Variants in ZBTB7A observed in about 807,000 individuals in gnomAD.
The protein encoded by ZBTB7A is zinc finger and BTB domain-containing protein 7A.
ZBTB7A carries 7 observed loss-of-function variants against 26.7 expected under a neutral mutation model. The observed-to-expected ratio is 0.26, with a 90% CI of 0.15 to 0.49. The LOEUF (loss-of-function observed/expected upper bound fraction) is 0.49, where lower values mean the gene tolerates loss of function less well. Ranked by LOEUF, ZBTB7A falls within the 20% of genes least tolerant of loss-of-function variation. The probability of loss-of-function intolerance (pLI) is 0.98; values close to 1 mark genes in which losing one functional copy is unlikely to be tolerated. For synonymous variants in ZBTB7A, 452 were observed against 441.0 expected, an observed-to-expected ratio of 1.02 and a Z score of -0.31; for missense variants, 617 against 919.5, an observed-to-expected ratio of 0.67 and a Z score of 4.25.
chr19:4,056,752 A>G (rs1315350118), intron 1 of ZBTB7A, among the ~76,000 whole-genome samples: 2 of 152,096 alleles, frequency 1.3e-5, no homozygotes, highest in Non-Finnish European at 1.5e-5. Context: ...CTGTAATCCC[A>G]GCTACTCGGG....
In ZBTB7A at chr19:4,054,756, C is replaced by T. The variant is rs1344370213; in HGVS notation, c.477G>A (p.Glu159=). ...IDQRNLLRAK[E]YLEFFQSNPM... ...GGTTGCTCTGGAAGAACTCGAGGTA[C>T]TCCTTGGCGCGGAGGAGGTTGCGCT... Residue 159 remains glutamate, a synonymous_variant, in exon 2 of 3, where the codon GAG becomes GAA. Coordinates refer to ENST00000322357, the MANE Select transcript of ZBTB7A (RefSeq NM_015898.4). 6.4e-7 allele frequency: 1 copy of T among 1,571,072 alleles called. No homozygotes were observed. Among genetic ancestry groups the T allele is most frequent in the Non-Finnish European group, 8.6e-7 (1 of 1,157,642 alleles).
chr19:4,047,902 C>A lies in ZBTB7A; in HGVS notation c.1605G>T (p.Glu535Asp). The stretch of plus-strand genomic sequence containing the variant: ...CCTCGTCCTCGTCCTTAAAGTGCTT[C>A]TCCTGGCCGTTGCGCCGGGCGTCGG... ...SSPDARRNGQ[E>D]KHFKDEDEDE... The change falls in exon 3 of 3, where the codon GAG becomes GAT. Residue 535 changes from glutamate (E) to aspartate (D), a missense_variant. Around this residue, in one of 5 missense-constraint regions of ZBTB7A, gnomAD observed 136 missense variants for 126.6 expected, o/e 1.07. Coordinates refer to ENST00000322357, the MANE Select transcript of ZBTB7A (RefSeq NM_015898.4). 1 of 1,558,806 alleles carries A rather than the reference C, an allele frequency of 6.4e-7. No homozygotes were observed. Among genetic ancestry groups the A allele is most frequent in the Non-Finnish European group, 8.7e-7 (1 of 1,154,504 alleles).
At chr19:4,064,801 T>C (rs1326656303) in intron 1 of ZBTB7A, among the ~76,000 whole-genome samples, 1 of 152,052 alleles carries the variant, frequency 6.6e-6, no homozygotes, top group Non-Finnish European at 1.5e-5. Context: ...GCCGCCTGAC[T>C]GGGGGGAGAG....
rs200419671 is a variant in ZBTB7A at position 4,053,475 on chromosome 19, G to A, written c.1262+496C>T. Among the ~76,000 whole-genome samples, 11 of 150,698 alleles carry A rather than the reference G, an allele frequency of 7.3e-5. No homozygotes were observed. In the East Asian group the frequency reaches 9.8e-4, roughly 13 times the overall value. On this transcript the variant is annotated intron_variant, in intron 2 of 2. Coordinates refer to ENST00000322357, the MANE Select transcript of ZBTB7A (RefSeq NM_015898.4). ...CATGTGCCTGCATGCATGTCTGGGG[G>A]TGCGTGTGCATCTGTGTGCGTGCCT...
At chr19:4,049,631 C>T (rs1320772358) in intron 2 of ZBTB7A, among the ~76,000 whole-genome samples, 2 of 152,060 alleles carry the variant, frequency 1.3e-5, no homozygotes, top group East Asian at 3.9e-4. Flanking sequence ...CCTGGGAAAC[C>T]CCTCTGTCCG....
At chr19:4,065,324 C>T (rs1234724784) in intron 1 of ZBTB7A, 1 of 146,906 alleles carries the variant, frequency 6.8e-6, no homozygotes, top group Non-Finnish European at 1.5e-5. Flanking sequence ...CTGAGTCAGG[C>T]CCGGGCGGGG....
chr19:4,060,569 C>T (rs1459954215), intron 1 of ZBTB7A, among the ~76,000 whole-genome samples: 10 of 152,176 alleles, frequency 6.6e-5, no homozygotes, highest in Non-Finnish European at 2.9e-5. Context: ...GGGGATGTGT[C>T]GTGAGCTCGG....
rs947347966 is a variant in ZBTB7A, at chr19:4,066,750, GC to G, written c.-85del. 16 of 151,666 alleles carry G rather than the reference GC, an allele frequency of 1.1e-4. No individual in the cohort carries two copies. Among genetic ancestry groups the G allele is most frequent in the Non-Finnish European group, 1.9e-4 (13 of 67,714 alleles). The allele number at this position is 151,666 out of a possible 1,614,324, so 9.4% of individuals were successfully genotyped here. On this transcript the variant is annotated 5_prime_UTR_variant, in exon 1 of 3. Coordinates refer to ENST00000322357, the MANE Select transcript of ZBTB7A (RefSeq NM_015898.4). The stretch of plus-strand genomic sequence containing the variant: ...TGGGACTGGGCTCCCTCGGCCGCTC[GC>G]CTCCGGGGTCCGCGGCGCTCGCTCT...
intron 2 of ZBTB7A, among the ~76,000 whole-genome samples, chr19:4,051,920 AGCCCCG>A (rs2040508102): frequency 6.6e-6 from 1 of 152,110 alleles, no homozygotes; most frequent in African/African-American, 2.4e-5. Flanking sequence ...GGGTAATTAT[AGCCCCG>A]GCCACCACAG....
At chr19:4,062,965 A>G (rs1416697849) in intron 1 of ZBTB7A, among the ~76,000 whole-genome samples, 2 of 151,916 alleles carry the variant, frequency 1.3e-5, no homozygotes, top group African/African-American at 4.8e-5. Context: ...GCTGGGGTGG[A>G]CCCAAGGGCT....
intron 2 of ZBTB7A, among the ~76,000 whole-genome samples, chr19:4,049,166 GTGTATATATA>G (rs1227057495): frequency 3.0e-4 from 4 of 13,476 alleles, no homozygotes; most frequent in Non-Finnish European, 4.5e-4. Context: ...GTGTGTGTGT[GTGTATATATA>G]TATATATATA....
In ZBTB7A at chr19:4,047,730, TTC is replaced by T. The variant is rs1404400818; in HGVS notation, c.*20_*21del. 3 of 1,580,856 alleles carry T rather than the reference TTC, an allele frequency of 1.9e-6. No individual in the cohort carries two copies. On this transcript the variant is annotated 3_prime_UTR_variant, in exon 3 of 3. Transcript: ENST00000322357. ...CTCTCTGTCTCTCTCTTTCTCGGGT[TTC>T]TGTTTTCTCTTTTTGGTTTTTAGGC...
intron 1 of ZBTB7A, among the ~76,000 whole-genome samples, chr19:4,064,750 G>A (rs1347261004): frequency 1.3e-5 from 2 of 152,154 alleles, no homozygotes; most frequent in Non-Finnish European, 2.9e-5. Flanking sequence ...AGCCAGGTGG[G>A]TGCCGCGGGT....
intron 1 of ZBTB7A, among the ~76,000 whole-genome samples, chr19:4,063,503 G>T (rs2040660562): frequency 6.6e-6 from 1 of 152,220 alleles, no homozygotes; most frequent in South Asian, 2.1e-4. Flanking sequence ...GCCAGGGCCT[G>T]CCCGGTGAGG....
At chr19:4,058,644 G>C (rs528465913) in intron 1 of ZBTB7A, among the ~76,000 whole-genome samples, 62 of 71,572 alleles carry the variant, frequency 8.7e-4, no homozygotes, top group African/African-American at 3.3e-3. Context: ...GAGGGCCTGA[G>C]CTGGGCCTTT....
At chr19:4,051,377 C>T (rs2040502983) in intron 2 of ZBTB7A, among the ~76,000 whole-genome samples, 1 of 152,110 alleles carries the variant, frequency 6.6e-6, no homozygotes, top group Non-Finnish European at 1.5e-5. Context: ...AAAGCCCTAC[C>T]TTGAATGCCC....
intron 1 of ZBTB7A, among the ~76,000 whole-genome samples, chr19:4,060,218 C>A (rs2040625177): frequency 6.6e-6 from 1 of 152,154 alleles, no homozygotes; most frequent in African/African-American, 2.4e-5. Flanking sequence ...CTAAGCCCAA[C>A]CCTCCCAGGG....
At chr19:4,062,293 G>C (rs1291231831) in intron 1 of ZBTB7A, 1 of 152,248 alleles carries the variant, frequency 6.6e-6, no homozygotes, top group Non-Finnish European at 1.5e-5. Context: ...CCTCCCGAGC[G>C]CCGGATTCTC....
Position 4,048,897 on chromosome 19 carries a change from C to G in ZBTB7A, c.1263-653G>C, listed in dbSNP as rs2040459403. On this transcript the variant is annotated intron_variant, in intron 2 of 2. Coordinates refer to ENST00000322357, the MANE Select transcript of ZBTB7A (RefSeq NM_015898.4). This position sits in a 1 kb window ranked among gnomAD's most constrained non-coding sequence, Gnocchi z 6.7. ...TGGTGGCGCAGGCCTATAATCCCAGCTACTTGGGAGGTGGAGGTTGCAGTG... is the reference window on the plus strand; with the variant it reads ...TGGTGGCGCAGGCCTATAATCCCAGGTACTTGGGAGGTGGAGGTTGCAGTG... Among the ~76,000 whole-genome samples the G allele has an allele frequency of 6.7e-6, 1 of 150,064 alleles. No individual in the cohort carries two copies. The highest frequency in any genetic ancestry group is 2.0e-4 in the East Asian group (1 of 5,040).
Sources: gnomAD v4.1 joint callset for allele counts (sites outside exome capture counted in the v4.1 genomes callset) on GRCh38, gnomAD v4.1.1 for gene constraint, gnomAD v4.1.1 regional missense constraint, Gnocchi (gnomAD v3.1) non-coding constraint, MANE v1.5 for transcripts, NCBI Gene and HGNC (gene_info 2026-07-23, HGNC 2026-07-21) for gene names.